Variants in MXRA5 observed in about 807,000 individuals in gnomAD.
The protein encoded by MXRA5 is matrix remodeling associated 5, also known as matrix-remodeling-associated protein 5.
A neutral mutation model predicts 112.5 loss-of-function variants in MXRA5; 41 were observed. That is an observed-to-expected ratio of 0.36 (90% CI 0.28 to 0.47). The LOEUF (loss-of-function observed/expected upper bound fraction) is 0.47. MXRA5 is among the 20% of genes least tolerant of loss of function. The pLI, the probability that MXRA5 is intolerant of heterozygous loss-of-function variation, is 0.99. For synonymous variants in MXRA5, 862 were observed against 900.8 expected, an observed-to-expected ratio of 0.96 and a Z score of 0.77; for missense variants, 2,150 against 2,251.0, an observed-to-expected ratio of 0.96 and a Z score of 0.91.
At chrX:3,326,034 A>T (rs866990685) in intron 4 of MXRA5, among the ~76,000 whole-genome samples, 7 of 61,720 alleles carry the variant, frequency 1.1e-4, no homozygotes, top group Admixed American at 2.5e-4. Context: ...TTTATATATA[A>T]ATTTATATAT....
intron 2 of MXRA5, among the ~76,000 whole-genome samples, chrX:3,333,066 G>C (rs772554260): frequency 1.8e-5 from 2 of 110,313 alleles, no homozygotes; most frequent in South Asian, 4.0e-4. Flanking sequence ...ACTTTGGGAG[G>C]GTGAGGCGAG....
At chrX:3,328,477 C>T (rs1921564542) in intron 4 of MXRA5, among the ~76,000 whole-genome samples, 2 of 111,394 alleles carry the variant, frequency 1.8e-5, no homozygotes, top group Admixed American at 1.9e-4. Flanking sequence ...ATCCTAAAAG[C>T]AATGGAAATC....
At chrX:3,332,523 C>T (rs1241440763) in intron 2 of MXRA5, among the ~76,000 whole-genome samples, 2 of 112,384 alleles carry the variant, frequency 1.8e-5, no homozygotes, top group Non-Finnish European at 3.8e-5. Flanking sequence ...GGATTACAGG[C>T]GTGAGCCACC....
Position 3,317,220 on chromosome X carries a change from C to A in MXRA5, c.6461G>T (p.Arg2154Leu). 1 of 1,211,219 alleles carries A rather than the reference C, an allele frequency of 8.3e-7. No individual in the cohort carries two copies. The highest frequency in any genetic ancestry group is 2.2e-5 in the Admixed American group (1 of 46,129). ...TCCTCCGTACCTGACGTCCGTCCTC[C>A]GCGGGGAGGTGCCCGTGATGCGCGC... ...ANARITGTSP[R>L]RTDVRYGGTL... is the part of the protein sequence containing the mutation. The change falls in exon 6 of 7, where the codon CGG becomes CTG. Residue 2154 changes from arginine (R) to leucine (L), a missense_variant. Arg to Leu is a moderately radical substitution (Grantham distance 102). Coordinates refer to ENST00000217939, the MANE Select transcript of MXRA5 (RefSeq NM_015419.4).
intron 2 of MXRA5, among the ~76,000 whole-genome samples, chrX:3,341,579 T>C (rs1382746898): frequency 1.8e-4 from 7 of 38,826 alleles, no homozygotes; most frequent in South Asian, 1.5e-3. Context: ...ATATATAATA[T>C]ATATAATATA....
intron 6 of MXRA5, 67 bp from the exon 7 acceptor site, chrX:3,311,691 C>A: frequency 1.1e-6 from 1 of 931,577 alleles, no homozygotes; most frequent in Non-Finnish European, 1.5e-6. Context: ...CATTAGGTCG[C>A]TGGAATAACA....
chrX:3,323,188 G>C lies in MXRA5; in HGVS notation c.2497C>G (p.Gln833Glu). The C allele has an allele frequency of 8.3e-7, 1 of 1,211,585 alleles. No homozygotes were observed. The highest frequency in any genetic ancestry group is 1.1e-6 in the Non-Finnish European group (1 of 895,478). ...GATTCTTCAGCACTGGTTACTGTCT[G>C]CACAGGAGATGCTGAGGGGGGAGAA... is the stretch of plus-strand genomic sequence containing the variant. ...AISPPSASPV[Q>E]TVTSAEESSA... Residue 833 changes from glutamine to glutamate, a missense_variant, in exon 5 of 7, where the codon CAG (glutamine) becomes GAG (glutamate). Gln to Glu is a conservative substitution (Grantham distance 29). This residue lies in a region of MXRA5 where 1,485 missense variants were observed against 1,471.6 expected (regional missense o/e 1.01). Transcript: ENST00000217939.
chrX:3,331,105 C>T (rs9969898), intron 2 of MXRA5, among the ~76,000 whole-genome samples: 1 of 110,045 alleles, frequency 9.1e-6, no homozygotes, highest in African/African-American at 3.3e-5. Context: ...ACAGGGTCTT[C>T]ATATGTGCCC....
intron 4 of MXRA5, 131 bp from the exon 5 acceptor site, chrX:3,325,106 T>C (rs1186051487): frequency 2.5e-6 from 2 of 789,019 alleles, no homozygotes; most frequent in Non-Finnish European, 3.3e-6. Context: ...AGGAATCCTA[T>C]ACATGAGTTG....
intron 6 of MXRA5, among the ~76,000 whole-genome samples, chrX:3,316,083 GCGC>G (rs1921113372): frequency 2.8e-5 from 1 of 35,235 alleles, no homozygotes; most frequent in Non-Finnish European, 5.0e-5. Context: ...CTGGGGCCGG[GCGC>G]GGCGGATCAG....
chrX:3,333,074 G>A (rs184180901), intron 2 of MXRA5, among the ~76,000 whole-genome samples: 1 of 109,997 alleles, frequency 9.1e-6, no homozygotes, highest in Admixed American at 9.8e-5. Context: ...AGGGTGAGGC[G>A]AGAGGATCAC....
chrX:3,320,395 C>A lies in MXRA5; in HGVS notation c.5290G>T (p.Val1764Phe), dbSNP rs1380573682. Residue 1764 changes from valine to phenylalanine, a missense_variant, in exon 5 of 7, where the codon GTT (valine) becomes TTT (phenylalanine). Physicochemically the swap from Val to Phe is conservative, Grantham distance 50 (BLOSUM62 -1). Around this residue, in one of 6 missense-constraint regions of MXRA5, gnomAD observed 1,485 missense variants for 1,471.6 expected, o/e 1.01. Transcript: ENST00000217939. The part of the protein sequence containing the change: ...SPAPVMRERK[V>F]IPGSYNRIHS... ...ATCCTGTTGTAGGAACCTGGAATAA[C>A]TTTTCTCTCTCTCATTACTGGGGCA... 33 of 1,210,057 alleles carry A rather than the reference C, an allele frequency of 2.7e-5. No homozygotes were observed. The highest frequency in any genetic ancestry group is 3.5e-5 in the Non-Finnish European group (31 of 895,224).
rs745389729 is a variant in MXRA5, at chrX:3,324,490, T to C, written c.1195A>G (p.Lys399Glu). The part of the protein sequence containing the change: ...VKLHRELMLS[K>E]DPRVSYQYRQ... ...TACTGGTAGCTGACTCTGGGGTCTTTGCTGAGCATGAGCTCTCTGTGTAGC... is the reference window on the plus strand; with the variant it reads ...TACTGGTAGCTGACTCTGGGGTCTTCGCTGAGCATGAGCTCTCTGTGTAGC... Residue 399 changes from lysine (K) to glutamate (E), a missense_variant, in exon 5 of 7, where the codon AAA becomes GAA. This residue lies in a region of MXRA5 where 386 missense variants were observed against 411.0 expected (regional missense o/e 0.94). Transcript: ENST00000217939. 2 of 1,211,839 alleles carry C rather than the reference T, an allele frequency of 1.7e-6. No homozygotes were observed. Among genetic ancestry groups the C allele is most frequent in the East Asian group, 5.9e-5 (2 of 33,846 alleles).
intron 4 of MXRA5, 43 bp from the exon 5 acceptor site, chrX:3,325,018 G>C: frequency 1.8e-6 from 2 of 1,124,865 alleles, no homozygotes; most frequent in Non-Finnish European, 2.3e-6. Context: ...AGGAGCCAAA[G>C]AATGGCATGC....
rs201182861 is a variant in MXRA5 at position 3,311,484 on chromosome X, A to G, written c.6719T>C (p.Met2240Thr). 491 of 1,210,040 alleles carry G rather than the reference A, an allele frequency of 4.1e-4. 1 individual carries two copies. The highest frequency in any genetic ancestry group is 5.0e-4 in the Non-Finnish European group (452 of 895,285). The change falls in exon 7 of 7, where the codon ATG becomes ACG. Residue 2240 changes from methionine to threonine, a missense_variant. This residue lies in a region of MXRA5 where 1,485 missense variants were observed against 1,471.6 expected (regional missense o/e 1.01). Transcript: ENST00000217939. ...DYVVLKVDVVMKPAKIEHKEE... is the reference protein window; with the variant it reads ...DYVVLKVDVVTKPAKIEHKEE... ...CTTGTGTTCAATCTTGGCCGGTTTC[A>G]TCACCACATCCACTTTGAGCACCAC...
chrX:3,324,815 C>T lies in MXRA5; in HGVS notation c.870G>A (p.Arg290=). The change falls in exon 5 of 7, where the codon AGG becomes AGA. Residue 290 remains arginine, a synonymous_variant. Coordinates refer to ENST00000217939, the MANE Select transcript of MXRA5 (RefSeq NM_015419.4). ...CCTGTTCTTGCTCCTCCTCAATACT[C>T]CTGCTCCTGTTCTGTCTCAGAGGGG... is the stretch of plus-strand genomic sequence containing the variant. ...IESPLRQNRS[R]SIEEEQEQEE... is the part of the protein sequence containing the mutation. The T allele has an allele frequency of 8.3e-7, 1 of 1,211,552 alleles. No individual in the cohort carries two copies. The highest frequency in any genetic ancestry group is 2.3e-4 in the Middle Eastern group (1 of 4,353).
At chrX:3,345,280 T>G (rs1251824238) in intron 1 of MXRA5, among the ~76,000 whole-genome samples, 1 of 113,082 alleles carries the variant, frequency 8.8e-6, no homozygotes, top group Non-Finnish European at 1.9e-5. Context: ...AAAGAACTGA[T>G]GGCGCACAGG....
At chrX:3,311,987 T>C (rs1920995935) in intron 6 of MXRA5, among the ~76,000 whole-genome samples, 1 of 112,238 alleles carries the variant, frequency 8.9e-6, no homozygotes, top group Admixed American at 9.4e-5. Context: ...GTCATGGAGA[T>C]GGTGAAGAAT....
intron 6 of MXRA5, among the ~76,000 whole-genome samples, chrX:3,316,013 G>C (rs12008861): frequency 9.1e-5 from 2 of 22,058 alleles, no homozygotes; most frequent in African/African-American, 1.4e-4. Context: ...TTAAGAAGTT[G>C]AGTATTTGTT....
Sources: gnomAD v4.1 joint callset for allele counts (sites outside exome capture counted in the v4.1 genomes callset) on GRCh38, gnomAD v4.1.1 for gene constraint, gnomAD v4.1.1 regional missense constraint, MANE v1.5 for transcripts, NCBI Gene and HGNC (gene_info 2026-07-23, HGNC 2026-07-21) for gene names.